Variants in NKAIN2 observed in about 807,000 individuals in gnomAD.
NKAIN2 encodes sodium/potassium transporting ATPase interacting 2.
A neutral mutation model predicts 32.6 loss-of-function variants in NKAIN2; 14 were observed. The ratio of observed to expected loss-of-function variants is 0.43; its 90% CI spans 0.28 to 0.67. The LOEUF is 0.67. Among genes scored for constraint, NKAIN2 ranks in the 30% least tolerant of loss-of-function variants. The probability of loss-of-function intolerance (pLI) is 0.17; values close to 1 mark genes in which losing one functional copy is unlikely to be tolerated. For synonymous variants in NKAIN2, 80 were observed against 87.2 expected (o/e 0.92, Z 0.46); for missense variants, 198 against 258.3 (o/e 0.77, Z 1.60).
intron 3 of NKAIN2, among the ~76,000 whole-genome samples, chr6:124,586,071 G>A (rs1006549073): frequency 6.6e-6 from 1 of 152,136 alleles, no homozygotes; most frequent in Non-Finnish European, 1.5e-5. Flanking sequence ...ATAGATAGAA[G>A]ATTTCCATCG....
chr6:124,036,567 C>A (rs1048111956), intron 1 of NKAIN2, among the ~76,000 whole-genome samples: 8 of 152,084 alleles, frequency 5.3e-5, no homozygotes, highest in African/African-American at 1.9e-4. Flanking sequence ...GGATACTTAT[C>A]TTTTATTGAG....
chr6:123,896,505 AAG>A (rs1774286584), intron 1 of NKAIN2, among the ~76,000 whole-genome samples: 1 of 152,208 alleles, frequency 6.6e-6, no homozygotes, highest in Admixed American at 6.5e-5. Context: ...TCACAAAAGA[AAG>A]AAGAGAACTA....
At chr6:124,654,351 G>A (rs955104718) in intron 3 of NKAIN2, among the ~76,000 whole-genome samples, 1 of 152,134 alleles carries the variant, frequency 6.6e-6, no homozygotes, top group East Asian at 1.9e-4. Flanking sequence ...ATAAATAAAT[G>A]TATGAAGTAA....
chr6:124,412,512 G>A (rs1294630809), intron 3 of NKAIN2, among the ~76,000 whole-genome samples: 1 of 152,170 alleles, frequency 6.6e-6, no homozygotes, highest in Non-Finnish European at 1.5e-5. Context: ...CGCAAATGCT[G>A]CTGCCTGATT....
At chr6:124,007,785 T>C (rs1186538116) in intron 1 of NKAIN2, among the ~76,000 whole-genome samples, 2 of 152,196 alleles carry the variant, frequency 1.3e-5, no homozygotes, top group East Asian at 3.8e-4. Flanking sequence ...GACTCACTGG[T>C]GCACATTTTA....
At chr6:123,898,780 C>T (rs1774413013) in intron 1 of NKAIN2, among the ~76,000 whole-genome samples, 1 of 152,092 alleles carries the variant, frequency 6.6e-6, no homozygotes, top group Non-Finnish European at 1.5e-5. Flanking sequence ...TTAGCTGGAC[C>T]CCAGTCCTAT....
chr6:123,894,122 CTGTT>C (rs56134474), intron 1 of NKAIN2, among the ~76,000 whole-genome samples: 23,381 of 151,006 alleles, frequency 0.15, 1,918 homozygotes, highest in Non-Finnish European at 0.18. Context: ...TTTTAAACCT[CTGTT>C]TGGCATTTTT....
At chr6:124,131,396 C>T (rs528044997) in intron 1 of NKAIN2, among the ~76,000 whole-genome samples, 3 of 152,266 alleles carry the variant, frequency 2.0e-5, no homozygotes, top group African/African-American at 7.2e-5. Context: ...ACATGCATCT[C>T]CCACTTGGCC....
chr6:124,596,556 C>T (rs1240966431), intron 3 of NKAIN2, among the ~76,000 whole-genome samples: 1 of 151,974 alleles, frequency 6.6e-6, no homozygotes, highest in East Asian at 1.9e-4. Context: ...CAATAGAGGG[C>T]ACAGAAGCTT....
intron 3 of NKAIN2, among the ~76,000 whole-genome samples, chr6:124,508,946 G>T (rs1778603464): frequency 6.6e-6 from 1 of 152,068 alleles, no homozygotes; most frequent in African/African-American, 2.4e-5. Flanking sequence ...TGGATTAAGG[G>T]TCCGTCCTGT....
At chr6:124,386,071 T>G (rs758997604) in intron 3 of NKAIN2, among the ~76,000 whole-genome samples, 7 of 152,034 alleles carry the variant, frequency 4.6e-5, no homozygotes, top group Non-Finnish European at 8.8e-5. Context: ...GGGTGTCCTT[T>G]AAAGATTTTT....
chr6:124,492,445 A>C (rs1413291152), intron 3 of NKAIN2, among the ~76,000 whole-genome samples: 1 of 151,940 alleles, frequency 6.6e-6, no homozygotes, highest in Non-Finnish European at 1.5e-5. Context: ...GATTTAGAAA[A>C]TATCAGCTTT....
chr6:124,803,154 C>T (rs1385392673), intron 5 of NKAIN2, among the ~76,000 whole-genome samples: 1 of 152,210 alleles, frequency 6.6e-6, no homozygotes, highest in Non-Finnish European at 1.5e-5. Context: ...ACCTGTTCCA[C>T]ACCTTTCCAG....
chr6:124,438,700 A>T (rs946848838), intron 3 of NKAIN2, among the ~76,000 whole-genome samples: 1 of 152,116 alleles, frequency 6.6e-6, no homozygotes, highest in Non-Finnish European at 1.5e-5. Flanking sequence ...GCTCTTGATG[A>T]TATTACCAAT....
chr6:124,125,217 T>G lies in NKAIN2; in HGVS notation c.55-157788T>G, dbSNP rs983121349. Among the ~76,000 whole-genome samples, 35 of 152,146 alleles carry G rather than the reference T, an allele frequency of 2.3e-4. 1 individual carries two copies. Among genetic ancestry groups the G allele is most frequent in the African/African-American group, 8.4e-4 (35 of 41,430 alleles). ...AGGATTTTACAATAGCTTTTCAGGA[T>G]TCAGTTTCAAGTCAGTTCTCTCTTT... is the stretch of plus-strand genomic sequence containing the variant. On this transcript the variant is annotated intron_variant, in intron 1 of 6. Coordinates refer to ENST00000368417, the MANE Select transcript of NKAIN2 (RefSeq NM_001040214.3).
chr6:124,005,992 C>T (rs1392284592), intron 1 of NKAIN2, among the ~76,000 whole-genome samples: 1 of 152,136 alleles, frequency 6.6e-6, no homozygotes, highest in Non-Finnish European at 1.5e-5. Context: ...CTGACTTGCC[C>T]TGCTCATTCA....
At chr6:123,848,087 A>T (rs763946648) in intron 1 of NKAIN2, among the ~76,000 whole-genome samples, 2 of 152,374 alleles carry the variant, frequency 1.3e-5, no homozygotes, top group Non-Finnish European at 2.9e-5. Flanking sequence ...TAAGTGAGGA[A>T]AGTGGAAATA....
chr6:124,045,793 G>A (rs973344445), intron 1 of NKAIN2, among the ~76,000 whole-genome samples: 11 of 151,926 alleles, frequency 7.2e-5, no homozygotes, highest in Non-Finnish European at 1.0e-4. Context: ...ACAGTAATCC[G>A]TATCAATCTC....
chr6:124,685,987 T>C (rs1773854147), intron 4 of NKAIN2, among the ~76,000 whole-genome samples: 1 of 152,188 alleles, frequency 6.6e-6, no homozygotes, highest in South Asian at 2.1e-4. Flanking sequence ...CAGGGCTGTG[T>C]TCTCAGCTGA....
Sources: gnomAD v4.1 joint callset for allele counts (sites outside exome capture counted in the v4.1 genomes callset) on GRCh38, gnomAD v4.1.1 for gene constraint, MANE v1.5 for transcripts, NCBI Gene and HGNC (gene_info 2026-07-23, HGNC 2026-07-21) for gene names.